CACHD1: variants seen among roughly 807,000 people sequenced by gnomAD.
CACHD1 encodes the protein VWFA and cache domain-containing protein 1.
A neutral mutation model predicts 138.7 loss-of-function variants in CACHD1; 71 were observed. The ratio of observed to expected loss-of-function variants is 0.51; its 90% confidence interval spans 0.42 to 0.62. The LOEUF is 0.62. Among genes scored for constraint, CACHD1 ranks in the 20% least tolerant of loss-of-function variants. The pLI, the probability that CACHD1 is intolerant of heterozygous loss-of-function variation, is 0.00. For synonymous variants in CACHD1, 578 were observed against 591.5 expected (o/e 0.98, Z 0.33); for missense variants, 1,389 against 1,625.3 (o/e 0.85, Z 2.50).
At chr1:64,482,516 A>AGTTGTTGCTGCT (rs1443137016) in intron 1 of CACHD1, among the ~76,000 whole-genome samples, 1 of 152,132 alleles carries the variant, frequency 6.6e-6, no homozygotes, top group Non-Finnish European at 1.5e-5. Context: ...TTAGTCACAG[A>AGTTGTTGCTGCT]GTTGTTGCTG....
At chr1:64,643,191 A>G (rs1460346989) in intron 8 of CACHD1, among the ~76,000 whole-genome samples, 3 of 151,976 alleles carry the variant, frequency 2.0e-5, no homozygotes, top group Non-Finnish European at 2.9e-5. Flanking sequence ...CTGATGTGCT[A>G]AGGGTTCCTT....
Position 64,487,725 on chromosome 1 carries a change from G to A in CACHD1, c.198+16783G>A, listed in dbSNP as rs80274972. Among the ~76,000 whole-genome samples, 657 of 152,218 alleles carry A rather than the reference G, an allele frequency of 4.3e-3. 13 individuals carry two copies. The highest frequency in any genetic ancestry group is 0.015 in the African/African-American group (624 of 41,534). On this transcript the variant is annotated intron_variant, in intron 1 of 26. Transcript: ENST00000651257. ...CAAAGGAAATGCATGGTGGTGTTAC[G>A]TCAACCATAGTGCCAGGAACTGCTT...
intron 1 of CACHD1, among the ~76,000 whole-genome samples, chr1:64,525,727 AG>A (rs1485780045): frequency 6.6e-6 from 1 of 152,190 alleles, no homozygotes; most frequent in African/African-American, 2.4e-5. Context: ...ACTTCAGGTA[AG>A]GGCAACATTT....
chr1:64,505,878 G>C (rs1356292782), intron 1 of CACHD1: 1 of 78,258 alleles, frequency 1.3e-5, no homozygotes, highest in East Asian at 3.7e-4. Context: ...CGCCCCGCCG[G>C]GTCCCCCGCT....
chr1:64,531,030 A>G (rs1158438243), intron 1 of CACHD1, among the ~76,000 whole-genome samples: 1 of 151,838 alleles, frequency 6.6e-6, no homozygotes, highest in Admixed American at 6.6e-5. Flanking sequence ...TCCAAGGAAA[A>G]CCTTATTGGC....
chr1:64,506,137 G>A (rs4915980), intron 1 of CACHD1: 105,116 of 152,174 alleles, frequency 0.69, 40,638 homozygotes, highest in Non-Finnish European at 0.84. Context: ...TAAGTGCCAG[G>A]TGCGAGCAAG....
chr1:64,539,869 G>A (rs931719140), intron 1 of CACHD1, among the ~76,000 whole-genome samples: 2 of 152,136 alleles, frequency 1.3e-5, no homozygotes, highest in African/African-American at 4.8e-5. Context: ...TTTCTCCTCT[G>A]CTGAACTCTG....
intron 1 of CACHD1, among the ~76,000 whole-genome samples, chr1:64,480,698 G>A (rs1217887034): frequency 6.6e-6 from 1 of 151,506 alleles, no homozygotes; most frequent in Non-Finnish European, 1.5e-5. Context: ...TTACTGAAAA[G>A]GTAAGTTATT....
At chr1:64,574,486 A>C (rs1206771326) in intron 2 of CACHD1, among the ~76,000 whole-genome samples, 1 of 152,168 alleles carries the variant, frequency 6.6e-6, no homozygotes, top group Non-Finnish European at 1.5e-5. Flanking sequence ...AGTCACTGAC[A>C]GCTGTAGTAA....
intron 1 of CACHD1, among the ~76,000 whole-genome samples, chr1:64,545,145 C>T (rs1474231313): frequency 6.6e-6 from 1 of 152,022 alleles, no homozygotes; most frequent in Non-Finnish European, 1.5e-5. Context: ...TAAAAATATA[C>T]AAAACATTTG....
chr1:64,496,270 G>C (rs138016698), intron 1 of CACHD1, among the ~76,000 whole-genome samples: 55 of 152,200 alleles, frequency 3.6e-4, no homozygotes, highest in African/African-American at 1.3e-3. Context: ...TATTTTGATT[G>C]CTTTTTAGCT....
At chr1:64,674,781 T>C (rs1376509643) in intron 19 of CACHD1, among the ~76,000 whole-genome samples, 1 of 152,228 alleles carries the variant, frequency 6.6e-6, no homozygotes, top group Non-Finnish European at 1.5e-5. Context: ...AATACCACTT[T>C]GGAATCTTTG....
At chr1:64,640,524 A>C (rs1335130869) in intron 7 of CACHD1, among the ~76,000 whole-genome samples, 1 of 152,010 alleles carries the variant, frequency 6.6e-6, no homozygotes, top group African/African-American at 2.4e-5. Flanking sequence ...AAAAATACAA[A>C]AAATTAGCCA....
chr1:64,658,684 A>T (rs1649341892), intron 12 of CACHD1, 21 bp from the exon 13 acceptor site: 1 of 1,581,124 alleles, frequency 6.3e-7, no homozygotes, highest in South Asian at 1.2e-5. Flanking sequence ...TAGGTCAGAA[A>T]TTCTTTATTG....
At chr1:64,508,371 G>A (rs1446696373) in intron 1 of CACHD1, among the ~76,000 whole-genome samples, 2 of 152,188 alleles carry the variant, frequency 1.3e-5, no homozygotes, top group Non-Finnish European at 2.9e-5. Flanking sequence ...TAAGTGTAAC[G>A]CACTACACAA....
intron 2 of CACHD1, among the ~76,000 whole-genome samples, chr1:64,558,610 A>AATTT (rs1168426041): frequency 1.3e-5 from 2 of 152,214 alleles, no homozygotes; most frequent in African/African-American, 2.4e-5. Flanking sequence ...CGACAAAGAC[A>AATTT]CCAAGAGCAA....
chr1:64,526,810 C>T (rs1646542529), intron 1 of CACHD1, among the ~76,000 whole-genome samples: 1 of 152,230 alleles, frequency 6.6e-6, no homozygotes, highest in African/African-American at 2.4e-5. Flanking sequence ...CTTCTTTCCT[C>T]TTCTCCACCC....
intron 2 of CACHD1, among the ~76,000 whole-genome samples, chr1:64,567,094 T>C (rs1337043920): frequency 2.0e-5 from 3 of 152,110 alleles, no homozygotes; most frequent in African/African-American, 4.8e-5. Context: ...ATAAACTAGA[T>C]TATGATCTCT....
At chr1:64,502,086 T>G (rs531742044) in intron 1 of CACHD1, among the ~76,000 whole-genome samples, 90 of 152,350 alleles carry the variant, frequency 5.9e-4, no homozygotes, top group African/African-American at 2.2e-3. Context: ...TCCCAGTTGT[T>G]GTTGTTTTTA....
Sources: gnomAD v4.1 joint callset for allele counts (sites outside exome capture counted in the v4.1 genomes callset) on GRCh38, gnomAD v4.1.1 for gene constraint, MANE v1.5 for transcripts, NCBI Gene and HGNC (gene_info 2026-07-23, HGNC 2026-07-21) for gene names.